The following SLIT2 variants were observed in gnomAD, a reference collection of about 807,000 sequenced individuals.
SLIT2 encodes slit homolog 2 protein.
Under a neutral mutation model 185.7 loss-of-function variants are expected in SLIT2, and 41 were observed. The ratio of observed to expected loss-of-function variants is 0.22; its 90% confidence interval spans 0.17 to 0.29. The LOEUF (loss-of-function observed/expected upper bound fraction) is 0.29, where lower values mean the gene tolerates loss of function less well. Ranked by LOEUF, SLIT2 falls within the 10% of genes least tolerant of loss-of-function variation. The probability of loss-of-function intolerance (pLI) is 1.00; values close to 1 mark genes in which losing one functional copy is unlikely to be tolerated. For synonymous variants in SLIT2, 693 were observed against 680.2 expected, an observed-to-expected ratio of 1.02 and a Z score of -0.29; for missense variants, 1,571 against 1,909.0, an observed-to-expected ratio of 0.82 and a Z score of 3.30.
At chr4:20,468,794 G>A (rs1206865410) in intron 5 of SLIT2, among the ~76,000 whole-genome samples, 2 of 151,496 alleles carry the variant, frequency 1.3e-5, no homozygotes, top group Non-Finnish European at 2.9e-5. Context: ...AAACAGGGCA[G>A]GCACTTTTTC....
intron 4 of SLIT2, among the ~76,000 whole-genome samples, chr4:20,322,956 T>A (rs1279698575): frequency 6.6e-6 from 1 of 152,188 alleles, no homozygotes; most frequent in Non-Finnish European, 1.5e-5. Context: ...GAGTACCATT[T>A]TAAAAATGCT....
intron 5 of SLIT2, among the ~76,000 whole-genome samples, chr4:20,479,696 G>T (rs574058573): frequency 8.6e-5 from 13 of 151,974 alleles, no homozygotes; most frequent in African/African-American, 3.1e-4. Context: ...CAAGTAGAAG[G>T]CTCAATATGA....
chr4:20,490,945 G>A (rs553657113), intron 8 of SLIT2: 14 of 668,560 alleles, frequency 2.1e-5, no homozygotes, highest in Non-Finnish European at 3.4e-5. Flanking sequence ...TTTCCTGGCA[G>A]GTTGGAAAGG....
intron 4 of SLIT2, among the ~76,000 whole-genome samples, chr4:20,352,441 T>G (rs1721962178): frequency 6.6e-6 from 1 of 152,202 alleles, no homozygotes; most frequent in Non-Finnish European, 1.5e-5. Flanking sequence ...TAGAGGAGTT[T>G]GTTAATACGT....
At chr4:20,426,149 C>A (rs186717646) in intron 4 of SLIT2, among the ~76,000 whole-genome samples, 1 of 152,296 alleles carries the variant, frequency 6.6e-6, no homozygotes, top group East Asian at 1.9e-4. Flanking sequence ...TAACACATGG[C>A]AGCTGACTTT....
chr4:20,351,158 C>T (rs1325506067), intron 4 of SLIT2, among the ~76,000 whole-genome samples: 1 of 151,750 alleles, frequency 6.6e-6, no homozygotes, highest in Admixed American at 6.6e-5. Context: ...AAGCAATTCT[C>T]CTGCTTCAGC....
chr4:20,458,771 G>A (rs1713370340), intron 4 of SLIT2, among the ~76,000 whole-genome samples: 1 of 152,132 alleles, frequency 6.6e-6, no homozygotes. Flanking sequence ...CTAGCTGTAT[G>A]GCCACAGGTA....
At chr4:20,269,179 T>C (rs1338388612) in intron 4 of SLIT2, among the ~76,000 whole-genome samples, 1 of 151,878 alleles carries the variant, frequency 6.6e-6, no homozygotes, top group East Asian at 1.9e-4. Context: ...TTTGATTAAG[T>C]TCTGAAGGGA....
intron 4 of SLIT2, among the ~76,000 whole-genome samples, chr4:20,445,933 A>G (rs926813763): frequency 2.6e-5 from 4 of 152,180 alleles, no homozygotes; most frequent in African/African-American, 9.6e-5. Context: ...TGGATGCATA[A>G]TACATGTTAC....
chr4:20,269,907 C>G (rs1713425419), intron 4 of SLIT2, among the ~76,000 whole-genome samples: 1 of 151,832 alleles, frequency 6.6e-6, no homozygotes, highest in Non-Finnish European at 1.5e-5. Context: ...GAAACCTTAA[C>G]AACCTTAACT....
At chr4:20,345,756 G>C (rs553059245) in intron 4 of SLIT2, among the ~76,000 whole-genome samples, 6 of 151,748 alleles carry the variant, frequency 4.0e-5, no homozygotes, top group Non-Finnish European at 8.8e-5. Flanking sequence ...GAATGGTCTC[G>C]ATCTCCTGAC....
At chr4:20,379,258 G>A (rs1343013609) in intron 4 of SLIT2, among the ~76,000 whole-genome samples, 1 of 152,072 alleles carries the variant, frequency 6.6e-6, no homozygotes, top group African/African-American at 2.4e-5. Flanking sequence ...CTGCACATGT[G>A]GGGGCAGGAG....
At chr4:20,369,141 A>C (rs1723365035) in intron 4 of SLIT2, among the ~76,000 whole-genome samples, 1 of 152,208 alleles carries the variant, frequency 6.6e-6, no homozygotes, top group South Asian at 2.1e-4. Flanking sequence ...TTCTTTCCCA[A>C]GATGGTCCAG....
At chr4:20,361,327 T>C (rs1441360093) in intron 4 of SLIT2, among the ~76,000 whole-genome samples, 1 of 152,112 alleles carries the variant, frequency 6.6e-6, no homozygotes, top group African/African-American at 2.4e-5. Flanking sequence ...CGTCCACCCA[T>C]CTACCCATCC....
chr4:20,588,836 A>C (rs1727276678), intron 29 of SLIT2, among the ~76,000 whole-genome samples: 1 of 152,192 alleles, frequency 6.6e-6, no homozygotes, highest in South Asian at 2.1e-4. Context: ...TCATTTGTTG[A>C]TAGAAGTTCT....
chr4:20,316,819 CTTT>C (rs751761001), intron 4 of SLIT2, among the ~76,000 whole-genome samples: 3 of 128,642 alleles, frequency 2.3e-5, no homozygotes, highest in Non-Finnish European at 3.3e-5. Context: ...AGGGCTTGAG[CTTT>C]TTTTTTTTTT....
chr4:20,412,050 T>C (rs1361981612), intron 4 of SLIT2, among the ~76,000 whole-genome samples: 3 of 152,148 alleles, frequency 2.0e-5, no homozygotes, highest in African/African-American at 7.2e-5. Flanking sequence ...ATTTTGGATA[T>C]GGGCTTTGGA....
At chr4:20,396,874 C>T (rs184869189) in intron 4 of SLIT2, among the ~76,000 whole-genome samples, 4 of 146,868 alleles carry the variant, frequency 2.7e-5, no homozygotes, top group Admixed American at 6.8e-5. Flanking sequence ...TAAATATACA[C>T]ACCTAATATA....
chr4:20,486,344 G>A (rs1717234342), intron 7 of SLIT2, 73 bp downstream of exon 7: 2 of 876,026 alleles, frequency 2.3e-6, no homozygotes, highest in Non-Finnish European at 3.8e-6. Context: ...TGTTCAGTAA[G>A]CAAAGGACAG....
Sources: allele counts gnomAD v4.1 joint callset (sites outside exome capture counted in the v4.1 genomes callset), GRCh38; gene constraint gnomAD v4.1.1; transcripts MANE v1.5; gene names NCBI Gene and HGNC (gene_info 2026-07-23, HGNC 2026-07-21).